The following MCTP1 variants were observed in gnomAD, a reference collection of about 807,000 sequenced individuals.
MCTP1 encodes multiple C2 and transmembrane domain containing 1.
Under a neutral mutation model 120.6 loss-of-function variants are expected in MCTP1, and 69 were observed. The observed-to-expected ratio is 0.57, with a 90% confidence interval of 0.47 to 0.70. MCTP1 has a LOEUF of 0.70. MCTP1 is among the 30% of genes least tolerant of loss of function. The pLI, the probability that MCTP1 is intolerant of heterozygous loss-of-function variation, is 0.00. For missense variants in MCTP1, 1,203 were observed against 1,248.8 expected (o/e 0.96, Z 0.55); for synonymous variants, 529 against 493.1 (o/e 1.07, Z -0.96).
At chr5:95,190,225 C>T (rs1417537611) in intron 1 of MCTP1, among the ~76,000 whole-genome samples, 2 of 152,092 alleles carry the variant, frequency 1.3e-5, no homozygotes, top group African/African-American at 4.8e-5. Flanking sequence ...GTGGAACTGC[C>T]ATGGAAATTC....
intron 2 of MCTP1, among the ~76,000 whole-genome samples, chr5:94,982,686 C>T (rs1235756470): frequency 6.6e-6 from 1 of 151,804 alleles, no homozygotes; most frequent in Non-Finnish European, 1.5e-5. Context: ...GTCAGGAGTT[C>T]AAGACCAGCC....
Position 94,710,818 on chromosome 5 carries a change from C to T in MCTP1, c.2830G>A (p.Gly944Ser). ...GGGGAGTGGGGGAGGCTTTACTTAC[C>T]CCAGACAAGGACAATGTATCTCAGC... ...IPLRYIVLVW[G>S]INKFTKKLRS... Residue 944 changes from glycine (G) to serine (S), a missense_variant and splice_region_variant, in exon 21 of 23, where the codon GGC becomes AGC. This residue lies in a region of MCTP1 where 740 missense variants were observed against 871.1 expected (regional missense o/e 0.85). Transcript: ENST00000515393. The T allele has an allele frequency of 1.9e-6, 3 of 1,607,680 alleles. No individual in the cohort carries two copies. Among genetic ancestry groups the T allele is most frequent in the Non-Finnish European group, 2.6e-6 (3 of 1,175,338 alleles).
At chr5:94,815,610 A>C (rs948211216) in intron 17 of MCTP1, among the ~76,000 whole-genome samples, 8 of 152,226 alleles carry the variant, frequency 5.3e-5, no homozygotes, top group Non-Finnish European at 8.8e-5. Flanking sequence ...ACTCCTGTCC[A>C]GAAGTGTTCA....
chr5:95,195,132 C>T (rs954787027), intron 1 of MCTP1, among the ~76,000 whole-genome samples: 45 of 152,076 alleles, frequency 3.0e-4, no homozygotes, highest in East Asian at 1.9e-4. Context: ...CCTCATACAC[C>T]GCACATCCTA....
chr5:95,146,096 T>G (rs546798007), intron 1 of MCTP1, among the ~76,000 whole-genome samples: 37 of 152,274 alleles, frequency 2.4e-4, no homozygotes, highest in African/African-American at 8.4e-4. Flanking sequence ...CATTTTCTTT[T>G]GAATTTCATT....
intron 6 of MCTP1, among the ~76,000 whole-genome samples, chr5:94,925,102 T>C (rs577921951): frequency 6.6e-6 from 1 of 152,216 alleles, no homozygotes; most frequent in Non-Finnish European, 1.5e-5. Context: ...TAGGCCTTTA[T>C]TTCAGAGGAA....
At chr5:95,155,012 T>A (rs1744946977) in intron 1 of MCTP1, among the ~76,000 whole-genome samples, 1 of 152,178 alleles carries the variant, frequency 6.6e-6, no homozygotes. Flanking sequence ...TATAAGCCTG[T>A]ATAATTTTAT....
chr5:94,720,597 T>TG (rs1760680625), intron 19 of MCTP1, among the ~76,000 whole-genome samples: 1 of 152,172 alleles, frequency 6.6e-6, no homozygotes, highest in South Asian at 2.1e-4. Flanking sequence ...ATGCCTATGT[T>TG]GGGGAAAAAA....
At chr5:94,782,454 C>T (rs1209299988) in intron 18 of MCTP1, among the ~76,000 whole-genome samples, 1 of 152,104 alleles carries the variant, frequency 6.6e-6, no homozygotes, top group East Asian at 1.9e-4. Context: ...ACAAGAGTGT[C>T]TCAGAAGCTG....
At position 95,095,006 on chromosome 5, in the gene MCTP1, A is replaced by ATTTTTTTTTTTTT. The variant is rs756132693; in HGVS notation, c.721-77535_721-77523dup. ...TTTTTTCTTTTATTTGTTATGTTAG[A>ATTTTTTTTTTTTT]TTTTTTTTTTTTTTTTTTTTTTTTT... On this transcript the variant is annotated intron_variant, in intron 1 of 22. Transcript: ENST00000515393. Among the ~76,000 whole-genome samples the ATTTTTTTTTTTTT allele has an allele frequency of 1.9e-4, 7 of 36,964 alleles. 2 individuals are homozygous for ATTTTTTTTTTTTT. The highest frequency in any genetic ancestry group is 8.7e-4 in the African/African-American group (7 of 8,046). The allele number at this position is 36,964 out of a possible 152,430, so 24.2% of individuals were successfully genotyped here.
At chr5:94,992,462 T>G (rs953528447) in intron 2 of MCTP1, among the ~76,000 whole-genome samples, 2 of 152,190 alleles carry the variant, frequency 1.3e-5, no homozygotes, top group Admixed American at 6.5e-5. Context: ...TTAGTTCTGG[T>G]CTGACACCAG....
At chr5:94,752,115 A>ATATATATATATATATATATATG (rs1768554984) in intron 19 of MCTP1, among the ~76,000 whole-genome samples, 1 of 36,916 alleles carries the variant, frequency 2.7e-5, no homozygotes, top group Non-Finnish European at 4.3e-5. Context: ...TAAAATATAT[A>ATATATATATATATATATATATG]TATATATATA....
At chr5:95,058,562 A>G (rs766784215) in intron 1 of MCTP1, among the ~76,000 whole-genome samples, 1 of 152,236 alleles carries the variant, frequency 6.6e-6, no homozygotes, top group African/African-American at 2.4e-5. Context: ...ACGGGGTTCA[A>G]ATGAAACGCT....
chr5:95,272,566 A>G (rs1759493979), intron 1 of MCTP1, among the ~76,000 whole-genome samples: 1 of 152,270 alleles, frequency 6.6e-6, no homozygotes, highest in Admixed American at 6.5e-5. Context: ...AATGCTCAGC[A>G]GGAAAAAGTT....
At chr5:95,036,953 C>A (rs1323091360) in intron 1 of MCTP1, among the ~76,000 whole-genome samples, 7 of 144,226 alleles carry the variant, frequency 4.9e-5, no homozygotes, top group Non-Finnish European at 4.6e-5. Context: ...ATATTGGATA[C>A]CCAGCACAAA....
At chr5:95,190,939 G>A (rs1338053363) in intron 1 of MCTP1, among the ~76,000 whole-genome samples, 1 of 151,742 alleles carries the variant, frequency 6.6e-6, no homozygotes, top group African/African-American at 2.4e-5. Flanking sequence ...CTATATATTT[G>A]GTTTGAAGCA....
At chr5:95,175,264 G>A (rs1045672655) in intron 1 of MCTP1, among the ~76,000 whole-genome samples, 18 of 152,136 alleles carry the variant, frequency 1.2e-4, no homozygotes, top group African/African-American at 4.3e-4. Context: ...GAGCTGACAC[G>A]CTTCATTATT....
At chr5:94,910,691 G>A (rs767463156) in intron 9 of MCTP1, among the ~76,000 whole-genome samples, 2 of 152,162 alleles carry the variant, frequency 1.3e-5, no homozygotes, top group Non-Finnish European at 2.9e-5. Context: ...ATAAAAATAA[G>A]TAATGTTTTT....
At chr5:94,872,060 G>A (rs1005946297) in intron 13 of MCTP1, among the ~76,000 whole-genome samples, 3 of 152,094 alleles carry the variant, frequency 2.0e-5, no homozygotes, top group South Asian at 2.1e-4. Context: ...AAACGACTGC[G>A]TGAGCTCTTC....
Sources: gnomAD v4.1 joint callset for allele counts (sites outside exome capture counted in the v4.1 genomes callset) on GRCh38, gnomAD v4.1.1 for gene constraint, gnomAD v4.1.1 regional missense constraint, MANE v1.5 for transcripts, NCBI Gene and HGNC (gene_info 2026-07-23, HGNC 2026-07-21) for gene names.